LIMCH1: variants seen among roughly 807,000 people sequenced by gnomAD.
LIMCH1 encodes LIM and calponin homology domains-containing protein 1.
LIMCH1 carries 113 observed loss-of-function variants against 176.5 expected under a neutral mutation model. The observed-to-expected ratio is 0.64, with a 90% CI of 0.55 to 0.75. LIMCH1 has a LOEUF of 0.75. LIMCH1 is among the 30% of genes least tolerant of loss of function. The pLI is 0.00. For missense variants in LIMCH1, 1,674 were observed against 1,814.9 expected, an observed-to-expected ratio of 0.92 and a Z score of 1.41; for synonymous variants, 619 against 645.9, an observed-to-expected ratio of 0.96 and a Z score of 0.63.
chr4:41,612,368 AG>A, intron 4 of LIMCH1: 1 of 575,958 alleles, frequency 1.7e-6, no homozygotes, highest in African/African-American at 1.9e-5. Context: ...GGGAATGCAG[AG>A]GGGACTTTCG....
rs927129824 is a variant in LIMCH1, at chr4:41,526,060, C to T, written c.237+1582C>T. Among the ~76,000 whole-genome samples the T allele has an allele frequency of 1.9e-4, 29 of 152,118 alleles. 1 individual carries two copies. The highest frequency in any genetic ancestry group is 6.3e-4 in the African/African-American group (26 of 41,424). ...TTAGTAAAATTAACTGTTAGGGGCA[C>T]ATGCATTTGTCTTTATATTATTTCC... On this transcript the variant is annotated intron_variant, in intron 3 of 26. Coordinates refer to the LIMCH1 transcript ENST00000313860.
At chr4:41,364,910 G>A (rs886962543) in intron 1 of LIMCH1, among the ~76,000 whole-genome samples, 6 of 151,236 alleles carry the variant, frequency 4.0e-5, no homozygotes, top group African/African-American at 1.5e-4. Context: ...TTTTTTTGGT[G>A]GTATTTATTG....
intron 2 of LIMCH1, among the ~76,000 whole-genome samples, chr4:41,496,330 C>T (rs907018771): frequency 3.3e-5 from 5 of 152,156 alleles, no homozygotes; most frequent in Admixed American, 6.5e-5. Flanking sequence ...TGAAGGAGCA[C>T]GAGCTTTGGA....
chr4:41,407,293 A>T (rs1028720524), intron 1 of LIMCH1, among the ~76,000 whole-genome samples: 7 of 152,162 alleles, frequency 4.6e-5, no homozygotes, highest in Non-Finnish European at 1.0e-4. Context: ...CAGTGGTGCA[A>T]TCATGGCTCA....
chr4:41,370,247 T>C (rs1302869292), intron 1 of LIMCH1, among the ~76,000 whole-genome samples: 2 of 152,184 alleles, frequency 1.3e-5, no homozygotes, highest in Non-Finnish European at 1.5e-5. Context: ...TCACCTGTTA[T>C]AGAAGTCTAG....
chr4:41,637,289 A>G (rs2093633444), intron 13 of LIMCH1, among the ~76,000 whole-genome samples: 1 of 152,088 alleles, frequency 6.6e-6, no homozygotes, highest in South Asian at 2.1e-4. Context: ...CCCCAGTTCA[A>G]GTGATTCTCC....
chr4:41,672,361 C>T (rs2095073357), intron 22 of LIMCH1, among the ~76,000 whole-genome samples: 1 of 152,058 alleles, frequency 6.6e-6, no homozygotes, highest in South Asian at 2.1e-4. Context: ...CAGAGCGAGA[C>T]TCCATCTCAA....
intron 2 of LIMCH1, among the ~76,000 whole-genome samples, chr4:41,512,503 A>G (rs1386110099): frequency 6.6e-6 from 1 of 152,246 alleles, no homozygotes; most frequent in Non-Finnish European, 1.5e-5. Flanking sequence ...AAACACCCAA[A>G]TGTCCACAGA....
At chr4:41,577,387 G>A (rs2084669050) in intron 1 of LIMCH1, among the ~76,000 whole-genome samples, 2 of 152,112 alleles carry the variant, frequency 1.3e-5, no homozygotes, top group South Asian at 4.1e-4. Context: ...ACATCCTAGT[G>A]TTAACAGTGC....
chr4:41,597,893 C>CT (rs2089209637), intron 1 of LIMCH1, among the ~76,000 whole-genome samples: 2 of 152,164 alleles, frequency 1.3e-5, no homozygotes, highest in South Asian at 4.1e-4. Context: ...TGACTGCAAA[C>CT]TGGGTAACTG....
chr4:41,576,217 G>A (rs2084438321), intron 1 of LIMCH1, among the ~76,000 whole-genome samples: 1 of 152,032 alleles, frequency 6.6e-6, no homozygotes, highest in African/African-American at 2.4e-5. Context: ...TTCCAGTCTT[G>A]TGTTTCTGTA....
chr4:41,663,247 G>A (rs1005721608), intron 20 of LIMCH1, among the ~76,000 whole-genome samples: 3 of 151,642 alleles, frequency 2.0e-5, no homozygotes, highest in Non-Finnish European at 2.9e-5. Flanking sequence ...TCTACCTCCT[G>A]GGTTCAAGTG....
intron 18 of LIMCH1, among the ~76,000 whole-genome samples, chr4:41,654,541 T>A (rs1410496500): frequency 6.6e-6 from 1 of 152,170 alleles, no homozygotes; most frequent in Non-Finnish European, 1.5e-5. Flanking sequence ...GGAACGTCTG[T>A]ACTAGATGGT....
intron 2 of LIMCH1, among the ~76,000 whole-genome samples, chr4:41,501,348 A>C (rs1444787377): frequency 1.3e-5 from 2 of 152,224 alleles, no homozygotes; most frequent in Admixed American, 1.3e-4. Context: ...GTGTTTTAGA[A>C]TCTCATGTCT....
intron 8 of LIMCH1, 56 bp from the exon 9 acceptor site, chr4:41,629,436 C>G: frequency 6.6e-7 from 1 of 1,523,320 alleles, no homozygotes; most frequent in Non-Finnish European, 8.8e-7. Flanking sequence ...TTTGTCTGCT[C>G]CCCTTCCTTG....
At chr4:41,414,280 A>T (rs966774720) in intron 1 of LIMCH1, among the ~76,000 whole-genome samples, 4 of 152,132 alleles carry the variant, frequency 2.6e-5, no homozygotes, top group African/African-American at 9.7e-5. Flanking sequence ...GACGTAGCCG[A>T]GTTCTTAGCA....
chr4:41,695,134 C>T (rs1047290650), intron 31 of LIMCH1, among the ~76,000 whole-genome samples: 4 of 151,468 alleles, frequency 2.6e-5, no homozygotes, highest in South Asian at 2.1e-4. Context: ...TTATATTTGC[C>T]GCATATTGTG....
intron 13 of LIMCH1, among the ~76,000 whole-genome samples, chr4:41,635,194 G>A (rs2093519099): frequency 3.3e-5 from 5 of 151,784 alleles, no homozygotes; most frequent in African/African-American, 4.8e-5. Flanking sequence ...GCCTACACGA[G>A]TAACTAGAGG....
At chr4:41,487,148 C>G (rs959524325) in intron 1 of LIMCH1, among the ~76,000 whole-genome samples, 2 of 152,056 alleles carry the variant, frequency 1.3e-5, no homozygotes, top group Non-Finnish European at 2.9e-5. Context: ...TGTGAGCCAC[C>G]ACGCCCGGCC....
Sources: allele counts gnomAD v4.1 joint callset (sites outside exome capture counted in the v4.1 genomes callset), GRCh38; gene constraint gnomAD v4.1.1; transcripts MANE v1.5; gene names NCBI Gene and HGNC (gene_info 2026-07-23, HGNC 2026-07-21).